The following AGPS variants were observed in gnomAD, a reference collection of about 807,000 sequenced individuals.
AGPS encodes alkyldihydroxyacetonephosphate synthase, peroxisomal.
A neutral mutation model predicts 90.7 loss-of-function variants in AGPS; 26 were observed. That is an observed-to-expected ratio of 0.29 (90% confidence interval 0.21 to 0.40). The LOEUF is 0.40. AGPS is among the 10% of genes least tolerant of loss of function. AGPS has a pLI of 1.00. For missense variants in AGPS, 540 were observed against 816.1 expected (o/e 0.66, Z 4.12); for synonymous variants, 294 against 285.3 (o/e 1.03, Z -0.31).
At chr2:177,498,794 T>C (rs1473143329) in intron 13 of AGPS, among the ~76,000 whole-genome samples, 2 of 151,858 alleles carry the variant, frequency 1.3e-5, no homozygotes, top group Non-Finnish European at 3.0e-5. Context: ...CCTCATATCT[T>C]ATATACTTAT....
chr2:177,458,767 G>T (rs1215548075), intron 8 of AGPS, among the ~76,000 whole-genome samples: 2 of 152,106 alleles, frequency 1.3e-5, no homozygotes, highest in African/African-American at 4.8e-5. Context: ...ATTTGTAGAT[G>T]CAATGCTATT....
At chr2:177,410,943 C>T (rs191131014) in intron 1 of AGPS, among the ~76,000 whole-genome samples, 9 of 152,236 alleles carry the variant, frequency 5.9e-5, no homozygotes, top group Admixed American at 2.0e-4. Flanking sequence ...TATTTCTATT[C>T]GGACAATCTT....
At chr2:177,421,049 A>G (rs1685926823) in intron 2 of AGPS, among the ~76,000 whole-genome samples, 1 of 151,988 alleles carries the variant, frequency 6.6e-6, no homozygotes, top group Non-Finnish European at 1.5e-5. Flanking sequence ...AGAATTCTAA[A>G]GGATATTTGT....
At chr2:177,532,942 G>T (rs1008014915) in intron 19 of AGPS, among the ~76,000 whole-genome samples, 1 of 152,078 alleles carries the variant, frequency 6.6e-6, no homozygotes, top group Non-Finnish European at 1.5e-5. Flanking sequence ...AATCTTAAGA[G>T]TAAAAAAAAG....
At chr2:177,475,461 C>T (rs1687755422) in intron 10 of AGPS, among the ~76,000 whole-genome samples, 2 of 152,176 alleles carry the variant, frequency 1.3e-5, no homozygotes, top group South Asian at 4.1e-4. Context: ...CTCCTTCCAG[C>T]TCCCCAGCAA....
rs538387883 is a variant in AGPS at position 177,478,881 on chromosome 2, G to A, written c.1106-3178G>A. On this transcript the variant is annotated intron_variant, in intron 10 of 19. Coordinates refer to ENST00000264167, the MANE Select transcript of AGPS (RefSeq NM_003659.4). ...GCAAACTAGATGGCCTACATTTTAG[G>A]CTATATCTCTAGTGAATCTACCTGT... Among the ~76,000 whole-genome samples, 15 of 151,504 alleles carry A rather than the reference G, an allele frequency of 9.9e-5. 1 individual carries two copies. In the South Asian group the frequency reaches 3.1e-3, roughly 32 times the overall value.
At chr2:177,505,698 A>G (rs1041081455) in intron 15 of AGPS, 123 bp downstream of exon 15, 17 of 822,290 alleles carry the variant, frequency 2.1e-5, no homozygotes, top group Non-Finnish European at 2.8e-5. Context: ...AATTTAGCAT[A>G]TCATTTTACA....
chr2:177,455,651 C>T (rs545203757), intron 8 of AGPS, among the ~76,000 whole-genome samples: 1 of 151,952 alleles, frequency 6.6e-6, no homozygotes, highest in Non-Finnish European at 1.5e-5. Flanking sequence ...AATCCTAGCT[C>T]CTTTAACTTC....
intron 8 of AGPS, among the ~76,000 whole-genome samples, chr2:177,450,773 T>TA (rs1278246041): frequency 1.3e-5 from 2 of 151,694 alleles, no homozygotes; most frequent in African/African-American, 2.4e-5. Context: ...CAGTTTCTGT[T>TA]AAAAAAAGAA....
intron 1 of AGPS, among the ~76,000 whole-genome samples, chr2:177,410,159 G>A (rs543216284): frequency 2.9e-4 from 44 of 152,272 alleles, no homozygotes; most frequent in Admixed American, 1.6e-3. Context: ...TTGGTTTCCC[G>A]GAGGGGATTA....
chr2:177,496,767 G>A (rs1022029010), intron 12 of AGPS, among the ~76,000 whole-genome samples: 12 of 152,074 alleles, frequency 7.9e-5, no homozygotes, highest in African/African-American at 2.9e-4. Context: ...AACTACCAGT[G>A]ATAGTTTTAG....
intron 8 of AGPS, among the ~76,000 whole-genome samples, chr2:177,449,462 G>A (rs943805238): frequency 2.0e-5 from 3 of 152,146 alleles, no homozygotes; most frequent in African/African-American, 7.2e-5. Context: ...TCATGCTGCT[G>A]CCTGAGCTGG....
chr2:177,425,297 C>T (rs910941806), intron 2 of AGPS, among the ~76,000 whole-genome samples: 1 of 151,978 alleles, frequency 6.6e-6, no homozygotes, highest in South Asian at 2.1e-4. Context: ...CTGCATATGC[C>T]TACCCAGTTC....
At chr2:177,446,590 G>T (rs572114526) in intron 8 of AGPS, among the ~76,000 whole-genome samples, 1 of 152,272 alleles carries the variant, frequency 6.6e-6, no homozygotes, top group African/African-American at 2.4e-5. Flanking sequence ...GAAGAGTTCA[G>T]ATCATAAAGG....
At chr2:177,537,767 G>A (rs907296524) in intron 19 of AGPS, among the ~76,000 whole-genome samples, 4 of 151,930 alleles carry the variant, frequency 2.6e-5, no homozygotes, top group Non-Finnish European at 5.9e-5. Flanking sequence ...GGGTTCTTTC[G>A]AAATGCACGT....
At chr2:177,507,539 A>G (rs888481421) in intron 15 of AGPS, among the ~76,000 whole-genome samples, 5 of 152,110 alleles carry the variant, frequency 3.3e-5, no homozygotes, top group Non-Finnish European at 5.9e-5. Flanking sequence ...TCCTCATTCT[A>G]AACACCTTCC....
chr2:177,478,593 A>C (rs1687855635), intron 10 of AGPS, among the ~76,000 whole-genome samples: 1 of 151,976 alleles, frequency 6.6e-6, no homozygotes, highest in African/African-American at 2.4e-5. Flanking sequence ...TTTCATATTC[A>C]TTCTTTTGCC....
chr2:177,523,070 G>T (rs1428298695), intron 18 of AGPS, among the ~76,000 whole-genome samples: 1 of 152,084 alleles, frequency 6.6e-6, no homozygotes, highest in Non-Finnish European at 1.5e-5. Context: ...AGGGTAAAAC[G>T]AGGTTTTTCT....
intron 13 of AGPS, among the ~76,000 whole-genome samples, chr2:177,498,098 A>AT (rs1688461531): frequency 6.6e-6 from 1 of 151,314 alleles, no homozygotes; most frequent in African/African-American, 2.4e-5. Flanking sequence ...TGATTGTTGA[A>AT]TTTTTTTCCT....
Sources: gnomAD v4.1 joint callset for allele counts (sites outside exome capture counted in the v4.1 genomes callset) on GRCh38, gnomAD v4.1.1 for gene constraint, MANE v1.5 for transcripts, NCBI Gene and HGNC (gene_info 2026-07-23, HGNC 2026-07-21) for gene names.